CACNA1G: variants seen among roughly 807,000 people sequenced by gnomAD.
CACNA1G encodes voltage-dependent T-type calcium channel subunit alpha-1G.
In CACNA1G, 67 loss-of-function variants were observed where a neutral mutation model predicts 219.4. The observed-to-expected ratio is 0.31, with a 90% CI of 0.25 to 0.37. The LOEUF is 0.37. Among genes scored for constraint, CACNA1G ranks in the 10% least tolerant of loss-of-function variants. The pLI is 1.00. For missense variants in CACNA1G, 2,380 were observed against 3,231.4 expected (o/e 0.74, Z 6.39); for synonymous variants, 1,296 against 1,345.3 (o/e 0.96, Z 0.80).
intron 1 of CACNA1G, among the ~76,000 whole-genome samples, chr17:50,567,478 G>A (rs1234058998): frequency 6.6e-6 from 1 of 152,050 alleles, no homozygotes; most frequent in Non-Finnish European, 1.5e-5. Flanking sequence ...GGACCAGCTG[G>A]GAGGAAGGTC....
intron 22 of CACNA1G, among the ~76,000 whole-genome samples, chr17:50,605,266 A>T (rs1448257853): frequency 6.6e-6 from 1 of 152,186 alleles, no homozygotes; most frequent in African/African-American, 2.4e-5. Context: ...AGCCTGGTTT[A>T]TAATGGAATG....
intron 35 of CACNA1G, among the ~76,000 whole-genome samples, chr17:50,622,396 C>A (rs571914470): frequency 6.6e-6 from 1 of 152,090 alleles, no homozygotes; most frequent in African/African-American, 2.4e-5. Flanking sequence ...TTCTCCAGCT[C>A]CCGTCCCTTC....
In CACNA1G at chr17:50,572,794, C is replaced by T. The variant is rs762548175; in HGVS notation, c.987C>T (p.Asn329=). The T allele has an allele frequency of 1.9e-6, 3 of 1,614,018 alleles. No homozygotes were observed. In the South Asian group the frequency reaches 3.3e-5, roughly 18 times the overall value. ...YYTNCSAGEH[N]PFKGAINFDN... ...CCAACTGCTCAGCGGGGGAGCACAA[C>T]CCCTTCAAGGGCGCCATCAACTTTG... Residue 329 remains asparagine (N), a synonymous_variant, in exon 6 of 38, where the codon AAC becomes AAT. Transcript: ENST00000359106.
At chr17:50,615,626 A>T in intron 27 of CACNA1G, 114 bp downstream of exon 27, 1 of 1,125,642 alleles carries the variant, frequency 8.9e-7, no homozygotes, top group Non-Finnish European at 1.2e-6. Flanking sequence ...TGCTAGGCAC[A>T]CTACATGGGT....
chr17:50,579,229 C>A (rs1023148092), intron 9 of CACNA1G, among the ~76,000 whole-genome samples: 2 of 152,152 alleles, frequency 1.3e-5, no homozygotes, highest in African/African-American at 2.4e-5. Flanking sequence ...GGAGCAAGGG[C>A]TCAGCAGGGA....
At chr17:50,595,174 A>G in intron 14 of CACNA1G, 113 bp downstream of exon 14, 2 of 763,860 alleles carry the variant, frequency 2.6e-6, no homozygotes, top group Non-Finnish European at 4.4e-6. Flanking sequence ...GCAACCTGTC[A>G]TAGCCGTGAT....
chr17:50,568,007 T>C (rs1246128512), intron 1 of CACNA1G, among the ~76,000 whole-genome samples: 1 of 152,180 alleles, frequency 6.6e-6, no homozygotes, highest in Admixed American at 6.5e-5. Flanking sequence ...TTGGGAGCTA[T>C]GCCCAGCATG....
At position 50,618,796 on chromosome 17, in the gene CACNA1G, A is replaced by T. The variant is rs750103864; in HGVS notation, c.5569A>T (p.Ser1857Cys). Residue 1857 changes from serine to cysteine, a missense_variant, in exon 33 of 38, where the codon AGC (serine) becomes TGC (cysteine). Physicochemically the swap from Ser to Cys is moderately radical, Grantham distance 112. Around this residue, in one of 17 missense-constraint regions of CACNA1G, gnomAD observed 33 missense variants for 70.2 expected, o/e 0.47. Coordinates refer to ENST00000359106, the MANE Select transcript of CACNA1G (RefSeq NM_018896.5). This position sits in a 1 kb window ranked among gnomAD's most constrained non-coding sequence, Gnocchi z 5.3. ...IAVLMKHLEE[S>C]NKEAKEEAEL... ...CGTGCTGATGAAGCACCTGGAGGAG[A>T]GCAACAAGGAGGCCAAGGAGGAGGC... 1.2e-6 allele frequency: 2 copies of T among 1,613,836 alleles called. No homozygotes were observed. The highest frequency in any genetic ancestry group is 3.3e-5 in the Admixed American group (2 of 60,018).
chr17:50,561,642 C>T lies in CACNA1G; in HGVS notation c.183C>T (p.Phe61=). The T allele has an allele frequency of 1.2e-6, 2 of 1,606,912 alleles. No individual in the cohort carries two copies. The highest frequency in any genetic ancestry group is 1.7e-6 in the Non-Finnish European group (2 of 1,177,482). The change falls in exon 1 of 38, where the codon TTC becomes TTT. Residue 61 remains phenylalanine (F), a synonymous_variant. Coordinates refer to ENST00000359106, the MANE Select transcript of CACNA1G (RefSeq NM_018896.5). ...LPYPALAPVV[F]FYLSQDSRPR... ...ACCCGGCGCTGGCCCCGGTGGTTTT[C>T]TTCTACTTGAGCCAGGACAGCCGCC...
At chr17:50,605,751 G>A in intron 22 of CACNA1G, 147 bp from the exon 23 acceptor site, 1 of 781,266 alleles carries the variant, frequency 1.3e-6, no homozygotes, top group Non-Finnish European at 2.1e-6. Flanking sequence ...ACTCTTGTCA[G>A]TGTTTCCCTG....
At chr17:50,611,842 C>T (rs2049276257) in intron 26 of CACNA1G, among the ~76,000 whole-genome samples, 1 of 152,200 alleles carries the variant, frequency 6.6e-6, no homozygotes, top group Non-Finnish European at 1.5e-5. Flanking sequence ...GTGACTCACC[C>T]ACTCAGTGCT....
intron 16 of CACNA1G, among the ~76,000 whole-genome samples, 157 bp downstream of exon 16, chr17:50,597,080 C>T (rs992887376): frequency 2.6e-5 from 4 of 152,086 alleles, no homozygotes; most frequent in Admixed American, 6.5e-5. Context: ...GAATCTGCGC[C>T]GGTGATGCAA....
chr17:50,576,462 C>CA, intron 8 of CACNA1G, 136 bp downstream of exon 8: 1 of 807,346 alleles, frequency 1.2e-6, no homozygotes, highest in Non-Finnish European at 2.0e-6. Context: ...TAGGCACCTT[C>CA]AACCAGTCAC....
intron 7 of CACNA1G, among the ~76,000 whole-genome samples, chr17:50,574,087 G>T (rs964239223): frequency 5.3e-5 from 8 of 152,204 alleles, no homozygotes; most frequent in African/African-American, 1.9e-4. Context: ...CCTGTGAGGT[G>T]CCAGGGCAGG....
At chr17:50,622,501 C>T (rs1026598953) in intron 35 of CACNA1G, among the ~76,000 whole-genome samples, 19 of 152,056 alleles carry the variant, frequency 1.2e-4, no homozygotes, top group African/African-American at 4.3e-4. Context: ...CTGGGGTGTC[C>T]CTAGGGGTCT....
chr17:50,624,324 T>TGCCCCCCCCCCCCCCCCCCGGCCCCCC, intron 36 of CACNA1G, 36 bp from the exon 37 acceptor site: 2 of 1,177,664 alleles, frequency 1.7e-6, no homozygotes, highest in Non-Finnish European at 2.4e-6. Context: ...CTCCATTCTC[T>TGCCCCCCCCCCCCCCCCCCGGCCCCCC]CCCCCCACCC....
intron 26 of CACNA1G, among the ~76,000 whole-genome samples, chr17:50,610,414 G>A (rs1293039016): frequency 6.6e-6 from 1 of 152,204 alleles, no homozygotes; most frequent in Non-Finnish European, 1.5e-5. Context: ...CGGTGGCTGC[G>A]TCATCGCTAC....
At chr17:50,611,109 C>A (rs763881071) in intron 26 of CACNA1G, among the ~76,000 whole-genome samples, 11 of 152,060 alleles carry the variant, frequency 7.2e-5, no homozygotes, top group African/African-American at 9.7e-5. Flanking sequence ...CAAAAATTAG[C>A]CGGGCGTGGT....
chr17:50,590,599 C>T lies in CACNA1G; in HGVS notation c.2430C>T (p.Phe810=), dbSNP rs768980021. Residue 810 remains phenylalanine (F), a synonymous_variant, in exon 10 of 38, where the codon TTC becomes TTT. Coordinates refer to ENST00000359106, the MANE Select transcript of CACNA1G (RefSeq NM_018896.5). ...ACATCAAGAATCCCTACAACATCTT[C>T]GATGGTGTCATTGTGGTCATCAGGT... ...FGYIKNPYNI[F]DGVIVVISVW... The T allele has an allele frequency of 2.1e-5, 34 of 1,613,656 alleles. No homozygotes were observed. The Admixed American group carries it at 3.2e-4, about 15-fold the overall frequency.
Sources: allele counts gnomAD v4.1 joint callset (sites outside exome capture counted in the v4.1 genomes callset), GRCh38; gene constraint gnomAD v4.1.1; regional missense constraint gnomAD v4.1.1; non-coding constraint Gnocchi (gnomAD v3.1); transcripts MANE v1.5; gene names NCBI Gene and HGNC (gene_info 2026-07-23, HGNC 2026-07-21).